SLC24A4: variants seen among roughly 807,000 people sequenced by gnomAD.
SLC24A4 encodes the protein sodium/potassium/calcium exchanger 4.
A neutral mutation model predicts 79.0 loss-of-function variants in SLC24A4; 53 were observed. The ratio of observed to expected loss-of-function variants is 0.67; its 90% CI spans 0.54 to 0.84. SLC24A4 has a LOEUF of 0.84. Among genes scored for constraint, SLC24A4 ranks in the 40% least tolerant of loss-of-function variants. The pLI, the probability that SLC24A4 is intolerant of heterozygous loss-of-function variation, is 0.00. For synonymous variants in SLC24A4, 323 were observed against 323.8 expected, an observed-to-expected ratio of 1.00 and a Z score of 0.03; for missense variants, 731 against 822.0, an observed-to-expected ratio of 0.89 and a Z score of 1.35.
intron 2 of SLC24A4, among the ~76,000 whole-genome samples, chr14:92,386,155 G>C (rs946311110): frequency 6.6e-6 from 1 of 151,986 alleles, no homozygotes; most frequent in Non-Finnish European, 1.5e-5. Flanking sequence ...TCATGGTTTC[G>C]TTTTTTTCCC....
chr14:92,364,062 A>T (rs892228379), intron 2 of SLC24A4, among the ~76,000 whole-genome samples: 29 of 152,154 alleles, frequency 1.9e-4, no homozygotes, highest in Non-Finnish European at 1.5e-5. Context: ...CTCGCAGGGT[A>T]CATGGCAGCT....
At chr14:92,333,880 C>T (rs921954481) in intron 2 of SLC24A4, among the ~76,000 whole-genome samples, 1 of 152,030 alleles carries the variant, frequency 6.6e-6, no homozygotes, top group African/African-American at 2.4e-5. Context: ...GACACTGTGG[C>T]TGGGCTAGGA....
At chr14:92,393,251 C>T (rs995888136) in intron 2 of SLC24A4, among the ~76,000 whole-genome samples, 3 of 152,232 alleles carry the variant, frequency 2.0e-5, no homozygotes, top group Admixed American at 6.5e-5. Context: ...GGGAACAGAC[C>T]AGACATACCT....
rs553074242 is a variant in SLC24A4, at chr14:92,459,134, G to A, written c.1255+2526G>A. Among the ~76,000 whole-genome samples the A allele has an allele frequency of 2.0e-4, 30 of 152,340 alleles. No individual in the cohort carries two copies. In the South Asian group the frequency reaches 6.0e-3, roughly 31 times the overall value. The stretch of plus-strand genomic sequence containing the variant: ...AGGCGCTGCAGGAAAACCAGGGGAA[G>A]GGATGTGCCCGTTTTGGTCATCCTT... On this transcript the variant is annotated intron_variant, in intron 12 of 16. Transcript: ENST00000532405.
intron 12 of SLC24A4, among the ~76,000 whole-genome samples, chr14:92,468,026 A>G (rs532781111): frequency 6.6e-6 from 1 of 152,172 alleles, no homozygotes; most frequent in Non-Finnish European, 1.5e-5. Context: ...TGTGTAGAAA[A>G]TCCTAAGGAA....
chr14:92,404,498 G>C (rs1890271192), intron 2 of SLC24A4, among the ~76,000 whole-genome samples: 1 of 152,260 alleles, frequency 6.6e-6, no homozygotes, highest in East Asian at 1.9e-4. Flanking sequence ...ACTGGCAGGA[G>C]ATGTAGACTG....
At chr14:92,431,414 C>G (rs1891863550) in intron 2 of SLC24A4, among the ~76,000 whole-genome samples, 1 of 152,200 alleles carries the variant, frequency 6.6e-6, no homozygotes, top group Non-Finnish European at 1.5e-5. Flanking sequence ...AGAGACAGTG[C>G]ACGGAACAGC....
Position 92,414,533 on chromosome 14 carries a change from C to T in SLC24A4, c.242-19379C>T, listed in dbSNP as rs974802099. On this transcript the variant is annotated intron_variant, in intron 2 of 16. Transcript: ENST00000532405. ...GGAGGATCCGTTAAGTCCCGGAGTA[C>T]GAGACCAGCCTGGGTGACACAGTGA... is the stretch of plus-strand genomic sequence containing the variant. 6.6e-5 allele frequency among the ~76,000 whole-genome samples: 10 copies of T among 152,254 alleles called. No homozygotes were observed. In the East Asian group the frequency reaches 1.5e-3, roughly 24 times the overall value.
chr14:92,440,922 G>A (rs960612818), intron 4 of SLC24A4, among the ~76,000 whole-genome samples: 16 of 152,074 alleles, frequency 1.1e-4, no homozygotes, highest in Non-Finnish European at 2.1e-4. Flanking sequence ...AAGGCAGGGA[G>A]GAGGGAGGAC....
At position 92,497,547 on chromosome 14, in the gene SLC24A4, C is replaced by G. The variant is rs1225766061; in HGVS notation, c.*3919C>G. 1.3e-5 allele frequency: 2 copies of G among 152,288 alleles called. No individual in the cohort carries two copies. The highest frequency in any genetic ancestry group is 1.3e-4 in the Admixed American group (2 of 15,284). 9.4% of individuals were successfully genotyped at this position (152,288 alleles called of 1,614,324 possible). A position where few individuals can be genotyped will look rare whatever the true frequency, so the allele number is the denominator to read the frequency against. ...CAGGAGAGGATCAGAGTTCATCCCC[C>G]CTGGGAAAGAGCAAGAGCGAATGAA... On this transcript the variant is annotated 3_prime_UTR_variant, in exon 17 of 17. Coordinates refer to ENST00000532405, the MANE Select transcript of SLC24A4 (RefSeq NM_153646.4).
chr14:92,454,163 C>G (rs1893322873), intron 11 of SLC24A4, 94 bp downstream of exon 11: 4 of 1,364,060 alleles, frequency 2.9e-6, no homozygotes, highest in African/African-American at 1.5e-5. Flanking sequence ...GATCACTGCA[C>G]CTGTTTAAGG....
chr14:92,340,066 G>A (rs1232054427), intron 2 of SLC24A4, among the ~76,000 whole-genome samples: 2 of 152,144 alleles, frequency 1.3e-5, no homozygotes, highest in East Asian at 3.9e-4. Flanking sequence ...TTTCCAAGAT[G>A]GGAGCATGAA....
At chr14:92,461,636 T>A (rs1249435001) in intron 12 of SLC24A4, among the ~76,000 whole-genome samples, 1 of 152,190 alleles carries the variant, frequency 6.6e-6, no homozygotes, top group South Asian at 2.1e-4. Context: ...TCTTAGTACC[T>A]TAATTACCTC....
rs1484148777 is a variant in SLC24A4, at chr14:92,474,827, A to ATGTGTG, written c.1256-7852_1256-7851insGTGTGT. 1.3e-3 allele frequency among the ~76,000 whole-genome samples: 98 copies of ATGTGTG among 77,288 alleles called. 7 individuals are homozygous for ATGTGTG. The highest frequency in any genetic ancestry group is 1.7e-3 in the Non-Finnish European group (67 of 38,762). The allele number at this position is 77,288 out of a possible 152,430, so 50.7% of individuals were successfully genotyped here. On this transcript the variant is annotated intron_variant, in intron 12 of 16. Coordinates refer to ENST00000532405, the MANE Select transcript of SLC24A4 (RefSeq NM_153646.4). Reference sequence around the variant, plus strand: ...TACATATATACATATATATACATATATATGTGTGTGTGTGTGTATATATAT... The same window carrying ATGTGTG: ...TACATATATACATATATATACATATATGTGTGTATGTGTGTGTGTGTGTATATATAT...
intron 2 of SLC24A4, among the ~76,000 whole-genome samples, chr14:92,395,380 C>G (rs1889704541): frequency 6.6e-6 from 1 of 151,376 alleles, no homozygotes; most frequent in African/African-American, 2.4e-5. Flanking sequence ...TAATCAGAAG[C>G]CTTAAGGAGC....
chr14:92,334,008 G>A (rs899373221), intron 2 of SLC24A4, among the ~76,000 whole-genome samples: 5 of 152,148 alleles, frequency 3.3e-5, no homozygotes, highest in Non-Finnish European at 5.9e-5. Context: ...GCCTAGAGCT[G>A]CAAAAAGGAC....
At chr14:92,454,824 T>G (rs1893364974) in intron 11 of SLC24A4, among the ~76,000 whole-genome samples, 1 of 152,214 alleles carries the variant, frequency 6.6e-6, no homozygotes, top group Admixed American at 6.5e-5. Flanking sequence ...AGGAAACACC[T>G]TTCCAAAGTT....
intron 12 of SLC24A4, among the ~76,000 whole-genome samples, chr14:92,475,495 T>C (rs1022634230): frequency 2.6e-5 from 4 of 152,202 alleles, no homozygotes; most frequent in African/African-American, 9.6e-5. Flanking sequence ...AGAGTTTCAA[T>C]AATTCATAAA....
intron 13 of SLC24A4, among the ~76,000 whole-genome samples, chr14:92,483,274 C>T (rs1476813220): frequency 6.6e-6 from 1 of 152,158 alleles, no homozygotes; most frequent in Non-Finnish European, 1.5e-5. Flanking sequence ...ATGCTCCTCC[C>T]CCCACTGATG....
Sources: gnomAD v4.1 joint callset for allele counts (sites outside exome capture counted in the v4.1 genomes callset) on GRCh38, gnomAD v4.1.1 for gene constraint, MANE v1.5 for transcripts, NCBI Gene and HGNC (gene_info 2026-07-23, HGNC 2026-07-21) for gene names.